ELAVL2: variants seen among roughly 807,000 people sequenced by gnomAD.
ELAVL2 encodes the protein ELAV-like protein 2.
A neutral mutation model predicts 34.6 loss-of-function variants in ELAVL2; 4 were observed. The observed-to-expected ratio is 0.12, with a 90% CI of 0.06 to 0.26. The LOEUF (loss-of-function observed/expected upper bound fraction) is 0.26, where lower values mean the gene tolerates loss of function less well. Ranked by LOEUF, ELAVL2 falls within the 10% of genes least tolerant of loss-of-function variation. The probability of loss-of-function intolerance (pLI) is 1.00; values close to 1 mark genes in which losing one functional copy is unlikely to be tolerated. For synonymous variants in ELAVL2, 193 were observed against 154.8 expected (o/e 1.25, Z -1.83); for missense variants, 432 against 442.8 (o/e 0.98, Z 0.22).
chr9:23,718,088 C>T (rs931094937), intron 3 of ELAVL2, among the ~76,000 whole-genome samples: 14 of 152,082 alleles, frequency 9.2e-5, no homozygotes, highest in African/African-American at 3.4e-4. Context: ...TGTTATGGTT[C>T]CATATAATAT....
chr9:23,707,358 G>A (rs527260694), intron 3 of ELAVL2, among the ~76,000 whole-genome samples: 3 of 152,268 alleles, frequency 2.0e-5, no homozygotes, highest in African/African-American at 4.8e-5. Flanking sequence ...CAGCTGGGAC[G>A]TGCATCCCTA....
the ELAVL2 span, among the ~76,000 whole-genome samples, chr9:23,836,207 G>A: frequency 1.3e-5 from 2 of 152,186 alleles, no homozygotes; most frequent in Admixed American, 6.5e-5. Context: ...ATTCTAGTAT[G>A]AGAAATTAGA....
At chr9:23,694,306 G>GT (rs555368254) in intron 5 of ELAVL2, among the ~76,000 whole-genome samples, 207 of 151,406 alleles carry the variant, frequency 1.4e-3, no homozygotes, top group African/African-American at 4.7e-3. Flanking sequence ...GGGTGGAGGT[G>GT]TAAGTACTCT....
At chr9:23,797,504 G>A (rs1256017068) in intron 1 of ELAVL2, among the ~76,000 whole-genome samples, 1 of 152,206 alleles carries the variant, frequency 6.6e-6, no homozygotes, top group Non-Finnish European at 1.5e-5. Context: ...CAGAAAGGGT[G>A]CTTGGTAGCA....
At chr9:23,753,423 G>C (rs922052529) in intron 2 of ELAVL2, among the ~76,000 whole-genome samples, 1 of 150,470 alleles carries the variant, frequency 6.6e-6, no homozygotes, top group Non-Finnish European at 1.5e-5. Context: ...TTTAAACAAA[G>C]TTAAAAAAAA....
At chr9:23,698,057 G>A (rs531600087) in intron 5 of ELAVL2, among the ~76,000 whole-genome samples, 3 of 152,214 alleles carry the variant, frequency 2.0e-5, no homozygotes, top group Admixed American at 1.3e-4. Context: ...CAACCAGTAC[G>A]TCATGCCTTA....
chr9:23,772,883 A>T (rs1449220988), intron 1 of ELAVL2, among the ~76,000 whole-genome samples: 1 of 152,156 alleles, frequency 6.6e-6, no homozygotes, highest in Non-Finnish European at 1.5e-5. Context: ...GAGGCATCTT[A>T]AAAAAACAAG....
rs532341038 is a variant in ELAVL2, at chr9:23,767,983, C to T, written c.-15-5734G>A. Among the ~76,000 whole-genome samples the T allele has an allele frequency of 1.3e-4, 20 of 152,240 alleles. No individual in the cohort carries two copies. The South Asian group carries it at 2.7e-3, about 21-fold the overall frequency. ...GGCTGCGCCTGTTGCTCCAGCCACT[C>T]CATTGCCATGGTCAACATCCTGACC... On this transcript the variant is annotated intron_variant, in intron 1 of 6. Transcript: ENST00000397312.
At chr9:23,805,675 C>G (rs1183564649) in intron 1 of ELAVL2, among the ~76,000 whole-genome samples, 2 of 152,168 alleles carry the variant, frequency 1.3e-5, no homozygotes, top group African/African-American at 2.4e-5. Flanking sequence ...GAGCATCTAC[C>G]TTAGACCTCA....
intron 1 of ELAVL2, among the ~76,000 whole-genome samples, chr9:23,768,337 G>A (rs1265087366): frequency 6.6e-6 from 1 of 151,908 alleles, no homozygotes; most frequent in Non-Finnish European, 1.5e-5. Flanking sequence ...TCCATTTCAG[G>A]GGTTTGTACA....
At chr9:23,817,445 G>A (rs547419222) in intron 1 of ELAVL2, among the ~76,000 whole-genome samples, 77 of 152,220 alleles carry the variant, frequency 5.1e-4, no homozygotes, top group African/African-American at 1.4e-3. Context: ...AAGGTACCAT[G>A]TCATTAAGCA....
intron 2 of ELAVL2, among the ~76,000 whole-genome samples, chr9:23,759,754 T>TATATATA (rs1554719969): frequency 1.2e-5 from 1 of 81,352 alleles, no homozygotes; most frequent in Non-Finnish European, 2.5e-5. Flanking sequence ...ATATATAGTA[T>TATATATA]TATATATATA....
chr9:23,705,995 G>GT (rs751108579), intron 3 of ELAVL2, among the ~76,000 whole-genome samples: 4 of 152,236 alleles, frequency 2.6e-5, no homozygotes, highest in South Asian at 2.1e-4. Context: ...ACCCTTATCA[G>GT]TAAGTATGCT....
In ELAVL2 at chr9:23,762,135, T is replaced by A. The variant is rs996615141; in HGVS notation, c.100A>T (p.Thr34Ser). Residue 34 changes from threonine (T) to serine (S), a missense_variant, in exon 2 of 7, where the codon ACA becomes TCA. Thr to Ser is a moderately conservative substitution (Grantham distance 58). Coordinates refer to ENST00000397312, the MANE Select transcript of ELAVL2 (RefSeq NM_004432.5). ...NCSSPVDSGN[T>S]EDSKTNLIVN... is the part of the protein sequence containing the mutation. ...ATTAAGTTGGTCTTGCTGTCTTCTG[T>A]GTTCCCAGAGTCAACTGGTGACGAA... The A allele has an allele frequency of 6.2e-7, 1 of 1,613,650 alleles. No individual in the cohort carries two copies.
chr9:23,836,784 G>A, the ELAVL2 span, among the ~76,000 whole-genome samples: 1 of 152,110 alleles, frequency 6.6e-6, no homozygotes, highest in African/African-American at 2.4e-5. Context: ...GGGCTACAAA[G>A]CATAGGAAAT....
At chr9:23,798,656 G>A (rs1023894297) in intron 1 of ELAVL2, among the ~76,000 whole-genome samples, 3 of 152,104 alleles carry the variant, frequency 2.0e-5, no homozygotes, top group Non-Finnish European at 4.4e-5. Flanking sequence ...GCCTTTGTAG[G>A]GGGTGTGTGT....
Position 23,791,816 on chromosome 9 carries a change from C to T in ELAVL2, c.-15-29567G>A, listed in dbSNP as rs539291156. On this transcript the variant is annotated intron_variant, in intron 1 of 6. Transcript: ENST00000397312. ...ATCTTGGTCTTCCAGCCTCCAGAAC[C>T]ATGAGAAAATAAATTTCTATTGTTT... 2.0e-5 allele frequency among the ~76,000 whole-genome samples: 3 copies of T among 152,266 alleles called. No individual in the cohort carries two copies. In the South Asian group the frequency reaches 6.2e-4, roughly 32 times the overall value.
intron 6 of ELAVL2, 136 bp from the exon 7 acceptor site, chr9:23,693,020 T>C (rs888214112): frequency 2.4e-6 from 2 of 817,472 alleles, no homozygotes; most frequent in Non-Finnish European, 3.7e-6. Context: ...ATAAACTATT[T>C]CATGTTTTGA....
chr9:23,704,557 A>G (rs1442431027), intron 4 of ELAVL2, among the ~76,000 whole-genome samples: 2 of 146,076 alleles, frequency 1.4e-5, no homozygotes, highest in African/African-American at 2.5e-5. Context: ...CCGCTGCATT[A>G]AACTTCGCTT....
Sources: allele counts gnomAD v4.1 joint callset (sites outside exome capture counted in the v4.1 genomes callset), GRCh38; gene constraint gnomAD v4.1.1; transcripts MANE v1.5; gene names NCBI Gene and HGNC (gene_info 2026-07-23, HGNC 2026-07-21).